The following AGBL1 variants were observed in gnomAD, a reference collection of about 807,000 sequenced individuals.
AGBL1 encodes the protein AGBL carboxypeptidase 1.
Under a neutral mutation model 118.9 loss-of-function variants are expected in AGBL1, and 130 were observed. That is an observed-to-expected ratio of 1.09 (90% CI 0.95 to 1.26). The LOEUF (loss-of-function observed/expected upper bound fraction) is 1.26, where lower values mean the gene tolerates loss of function less well. Among genes scored for constraint, AGBL1 ranks in the 50% most tolerant of loss-of-function variants. AGBL1 has a pLI of 0.00. For synonymous variants in AGBL1, 555 were observed against 478.9 expected, an observed-to-expected ratio of 1.16 and a Z score of -2.08; for missense variants, 1,584 against 1,298.1, an observed-to-expected ratio of 1.22 and a Z score of -3.38.
At chr15:86,440,303 C>T (rs2082047148) in intron 18 of AGBL1, among the ~76,000 whole-genome samples, 1 of 151,862 alleles carries the variant, frequency 6.6e-6, no homozygotes, top group Non-Finnish European at 1.5e-5. Context: ...CAGAGAAATG[C>T]TTAAGAATAC....
At chr15:86,388,345 T>C (rs886147866) in intron 17 of AGBL1, among the ~76,000 whole-genome samples, 1 of 152,172 alleles carries the variant, frequency 6.6e-6, no homozygotes, top group Non-Finnish European at 1.5e-5. Context: ...CCATGTAATT[T>C]TGCTTCCTGT....
chr15:86,784,108 G>T (rs1243357420), intron 22 of AGBL1, among the ~76,000 whole-genome samples: 2 of 152,052 alleles, frequency 1.3e-5, no homozygotes, highest in African/African-American at 4.8e-5. Context: ...TGTAATATGT[G>T]AATAATAATA....
At chr15:86,368,184 TG>T (rs966371494) in intron 17 of AGBL1, among the ~76,000 whole-genome samples, 2 of 151,932 alleles carry the variant, frequency 1.3e-5, no homozygotes, top group African/African-American at 4.8e-5. Context: ...AATATCACCA[TG>T]GGTAAAGAGC....
chr15:86,430,513 T>C (rs1322527994), intron 18 of AGBL1, among the ~76,000 whole-genome samples: 3 of 148,990 alleles, frequency 2.0e-5, no homozygotes, highest in Non-Finnish European at 3.0e-5. Flanking sequence ...AAAATGTGTG[T>C]GTGTGTGTAA....
At chr15:86,467,887 G>T (rs952760866) in intron 18 of AGBL1, among the ~76,000 whole-genome samples, 1 of 152,116 alleles carries the variant, frequency 6.6e-6, no homozygotes, top group African/African-American at 2.4e-5. Context: ...TCTCTGTGTT[G>T]GTCTGGCTGG....
At chr15:86,387,057 A>T (rs752786194) in intron 17 of AGBL1, among the ~76,000 whole-genome samples, 1 of 152,186 alleles carries the variant, frequency 6.6e-6, no homozygotes, top group African/African-American at 2.4e-5. Flanking sequence ...AGGTATGGAA[A>T]GCAGAAAGGG....
chr15:86,715,844 G>T (rs2142703623), intron 22 of AGBL1, among the ~76,000 whole-genome samples: 1 of 152,104 alleles, frequency 6.6e-6, no homozygotes, highest in South Asian at 2.1e-4. Flanking sequence ...GGATCACAAG[G>T]TCAGGAGATC....
chr15:86,391,344 G>A (rs2081281391), intron 17 of AGBL1, among the ~76,000 whole-genome samples: 1 of 151,804 alleles, frequency 6.6e-6, no homozygotes, highest in African/African-American at 2.4e-5. Context: ...TACCTTTTTT[G>A]GAAAACGTAG....
At chr15:86,520,219 C>G (rs1004862840) in intron 18 of AGBL1, among the ~76,000 whole-genome samples, 1 of 152,162 alleles carries the variant, frequency 6.6e-6, no homozygotes, top group African/African-American at 2.4e-5. Flanking sequence ...AAGATGTAGA[C>G]ATAGATACAG....
At chr15:86,415,496 TACA>T (rs1400118056) in intron 18 of AGBL1, among the ~76,000 whole-genome samples, 5 of 152,206 alleles carry the variant, frequency 3.3e-5, no homozygotes, top group Admixed American at 6.5e-5. Flanking sequence ...AGTGTTCTTA[TACA>T]TGTTAAAGTA....
intron 23 of AGBL1, among the ~76,000 whole-genome samples, chr15:86,924,901 C>T (rs1489889892): frequency 6.6e-6 from 1 of 151,432 alleles, no homozygotes; most frequent in Non-Finnish European, 1.5e-5. Context: ...TGGTGAAACC[C>T]CGTCTCTACT....
chr15:86,431,714 C>T (rs1046915714), intron 18 of AGBL1, among the ~76,000 whole-genome samples: 1 of 152,186 alleles, frequency 6.6e-6, no homozygotes, highest in African/African-American at 2.4e-5. Flanking sequence ...TTACTGAATA[C>T]ACTGTATCAG....
intron 22 of AGBL1, among the ~76,000 whole-genome samples, chr15:86,821,200 A>T (rs2078939019): frequency 6.6e-6 from 1 of 152,114 alleles, no homozygotes; most frequent in Non-Finnish European, 1.5e-5. Context: ...GGGGGAGGGG[A>T]TAGCATTAGG....
intron 18 of AGBL1, among the ~76,000 whole-genome samples, chr15:86,464,846 A>G (rs935818261): frequency 2.6e-5 from 4 of 151,540 alleles, no homozygotes; most frequent in African/African-American, 9.7e-5. Flanking sequence ...GTTTGCCAGT[A>G]TTTTATTGAG....
At chr15:86,632,912 G>C (rs191645882) in intron 21 of AGBL1, among the ~76,000 whole-genome samples, 1 of 152,224 alleles carries the variant, frequency 6.6e-6, no homozygotes, top group Admixed American at 6.5e-5. Flanking sequence ...AACCATACTT[G>C]ATTCACTTGC....
intron 4 of AGBL1, among the ~76,000 whole-genome samples, chr15:86,158,700 G>A (rs973666930): frequency 3.9e-5 from 6 of 152,218 alleles, no homozygotes; most frequent in African/African-American, 1.4e-4. Context: ...TGCTGAGCAG[G>A]AAGAACTGAT....
At chr15:86,906,328 T>A (rs1051104984) in intron 22 of AGBL1, among the ~76,000 whole-genome samples, 1 of 152,256 alleles carries the variant, frequency 6.6e-6, no homozygotes, top group South Asian at 2.1e-4. Context: ...TTTTTGTTAA[T>A]GTTCGTTCCT....
intron 5 of AGBL1, among the ~76,000 whole-genome samples, chr15:86,191,373 G>A (rs200431540): frequency 0.011 from 1,021 of 90,918 alleles, 4 homozygotes; most frequent in African/African-American, 0.04. Context: ...AAAAAAAAGA[G>A]AGAGAGAGAA....
At chr15:86,433,379 C>T (rs892355229) in intron 18 of AGBL1, among the ~76,000 whole-genome samples, 2 of 144,578 alleles carry the variant, frequency 1.4e-5, no homozygotes, top group Non-Finnish European at 3.0e-5. Flanking sequence ...GCTTGTTTAG[C>T]CCCTTCTAGA....
Sources: allele counts gnomAD v4.1 joint callset (sites outside exome capture counted in the v4.1 genomes callset), GRCh38; gene constraint gnomAD v4.1.1; transcripts MANE v1.5; gene names NCBI Gene and HGNC (gene_info 2026-07-23, HGNC 2026-07-21).